RNF144A: variants seen among roughly 807,000 people sequenced by gnomAD.
The protein encoded by RNF144A is E3 ubiquitin-protein ligase RNF144A.
A neutral mutation model predicts 38.7 loss-of-function variants in RNF144A; 11 were observed. The observed-to-expected ratio is 0.28, with a 90% CI of 0.18 to 0.47. The LOEUF (loss-of-function observed/expected upper bound fraction) is 0.47, where lower values mean the gene tolerates loss of function less well. Ranked by LOEUF, RNF144A falls within the 20% of genes least tolerant of loss-of-function variation. The probability of loss-of-function intolerance (pLI) is 0.99; values close to 1 mark genes in which losing one functional copy is unlikely to be tolerated. For missense variants in RNF144A, 316 were observed against 377.2 expected, an observed-to-expected ratio of 0.84 and a Z score of 1.34; for synonymous variants, 149 against 143.9, an observed-to-expected ratio of 1.04 and a Z score of -0.25.
intron 3 of RNF144A, among the ~76,000 whole-genome samples, chr2:7,009,642 A>C (rs748061903): frequency 1.3e-5 from 2 of 152,046 alleles, no homozygotes; most frequent in Non-Finnish European, 2.9e-5. Context: ...CAGAACATGT[A>C]CTGTGCAGCT....
intron 8 of RNF144A, among the ~76,000 whole-genome samples, chr2:7,033,290 C>A (rs975987646): frequency 1.3e-5 from 2 of 152,366 alleles, no homozygotes; most frequent in African/African-American, 4.8e-5. Flanking sequence ...TGGGCAGGAG[C>A]CCCTGCAGGC....
chr2:6,921,922 C>G (rs932828943), intron 1 of RNF144A, among the ~76,000 whole-genome samples: 16 of 152,196 alleles, frequency 1.1e-4, no homozygotes, highest in Non-Finnish European at 2.2e-4. Context: ...GGGCCGAGCT[C>G]CCCAGCTGCC....
At chr2:6,997,223 T>G (rs999063348) in intron 3 of RNF144A, among the ~76,000 whole-genome samples, 162 bp downstream of exon 3, 2 of 152,212 alleles carry the variant, frequency 1.3e-5, no homozygotes, top group African/African-American at 2.4e-5. Flanking sequence ...ATTCTGTTAG[T>G]CAGGCAGGCT....
chr2:6,917,661 G>C lies in RNF144A; in HGVS notation c.-212+39G>C, dbSNP rs182920261. 4,586 of 147,834 alleles carry C rather than the reference G, an allele frequency of 0.031. 104 individuals carry two copies. Among genetic ancestry groups the C allele is most frequent in the Middle Eastern group, 0.062 (18 of 288 alleles). 9.2% of individuals were successfully genotyped at this position (147,834 alleles called of 1,614,324 possible). ...CGTCCCCTTTGTGTCCGCATCGCCCGGGCCGGCCGCGGAGCGGGGAGGGCG... is the reference window on the plus strand; with the variant it reads ...CGTCCCCTTTGTGTCCGCATCGCCCCGGCCGGCCGCGGAGCGGGGAGGGCG... On this transcript the variant is annotated intron_variant, in intron 1 of 8. Transcript: ENST00000320892. The surrounding 1 kb of genome is among the most constrained non-coding windows in gnomAD (Gnocchi z 4.8).
chr2:7,046,690 GA>G (rs1673319229), downstream of RNF144A, among the ~76,000 whole-genome samples: 2 of 152,116 alleles, frequency 1.3e-5, no homozygotes, highest in South Asian at 4.1e-4. Context: ...CCTGAGAAAC[GA>G]ACAGCTCACA....
At chr2:7,025,120 C>CTT (rs1671798200) in intron 7 of RNF144A, among the ~76,000 whole-genome samples, 1 of 152,166 alleles carries the variant, frequency 6.6e-6, no homozygotes, top group Non-Finnish European at 1.5e-5. Flanking sequence ...TCTCATACGG[C>CTT]AGCCTTCTCC....
chr2:6,919,848 C>T (rs1418729513), intron 1 of RNF144A, among the ~76,000 whole-genome samples: 1 of 152,246 alleles, frequency 6.6e-6, no homozygotes, highest in African/African-American at 2.4e-5. Context: ...GAAGGGCAAA[C>T]TCAAATGCAC....
In RNF144A at chr2:7,040,100, G is replaced by A. The variant is rs1672956095; in HGVS notation, c.*340G>A. ...GGCCTAAGAGACTTTCTGCTCCTTG[G>A]CTTCTAGATGGCACCATGTTGTCAG... On this transcript the variant is annotated 3_prime_UTR_variant, in exon 9 of 9. Transcript: ENST00000320892. 3 of 1,033,276 alleles carry A rather than the reference G, an allele frequency of 2.9e-6. No individual in the cohort carries two copies. Among genetic ancestry groups the A allele is most frequent in the Non-Finnish European group, 3.5e-6 (3 of 861,200 alleles). 64.0% of individuals were successfully genotyped at this position (1,033,276 alleles called of 1,614,324 possible). A position where few individuals can be genotyped will look rare whatever the true frequency, so the allele number is the denominator to read the frequency against.
intron 3 of RNF144A, among the ~76,000 whole-genome samples, chr2:7,013,492 T>G (rs1670945692): frequency 6.6e-6 from 1 of 152,336 alleles, no homozygotes; most frequent in South Asian, 2.1e-4. Flanking sequence ...TATTATATAT[T>G]GTTGCTAATA....
At chr2:7,071,948 T>C (rs1041940815), downstream of RNF144A, among the ~76,000 whole-genome samples, 1 of 152,256 alleles carries the variant, frequency 6.6e-6, no homozygotes, top group Non-Finnish European at 1.5e-5. Context: ...CTCCAGTGTC[T>C]GCTCCTACTC....
rs141684587 is a variant in RNF144A, at chr2:7,010,655, A to G, written c.136-3799A>G. 3.9e-3 allele frequency among the ~76,000 whole-genome samples: 589 copies of G among 152,328 alleles called. 1 individual carries two copies. Among genetic ancestry groups the G allele is most frequent in the Middle Eastern group, 6.8e-3 (2 of 294 alleles). ...ATCAGGTTTCAAAGAGTTGGAAACC[A>G]AAGTGGAAAATGAAATTCCTGGAAC... On this transcript the variant is annotated intron_variant, in intron 3 of 8. Transcript: ENST00000320892.
chr2:7,065,684 A>G (rs1319614606), intron 6 of RNF144A, among the ~76,000 whole-genome samples: 7 of 152,236 alleles, frequency 4.6e-5, no homozygotes, highest in Non-Finnish European at 5.9e-5. Context: ...CTCTCTTCAT[A>G]TTTTTAAGCA....
At chr2:6,935,945 C>T (rs185544086) in intron 1 of RNF144A, among the ~76,000 whole-genome samples, 1 of 152,368 alleles carries the variant, frequency 6.6e-6, no homozygotes, top group East Asian at 1.9e-4. Context: ...TTCCCTCCCT[C>T]ATTCCCTGCC....
intron 3 of RNF144A, among the ~76,000 whole-genome samples, chr2:7,000,124 G>A (rs183233694): frequency 3.9e-5 from 6 of 152,328 alleles, no homozygotes; most frequent in African/African-American, 9.6e-5. Flanking sequence ...TGGATTCTTC[G>A]TGATTCTCTG....
chr2:7,063,372 C>G (rs910997790), intron 6 of RNF144A, among the ~76,000 whole-genome samples: 1 of 152,092 alleles, frequency 6.6e-6, no homozygotes, highest in Non-Finnish European at 1.5e-5. Context: ...ATGGTTGATA[C>G]AGGAGGAAGA....
At chr2:7,033,867 G>C (rs1247415712) in intron 8 of RNF144A, among the ~76,000 whole-genome samples, 1 of 152,200 alleles carries the variant, frequency 6.6e-6, no homozygotes, top group African/African-American at 2.4e-5. Context: ...GTAGTGCACG[G>C]GCAAAATCGC....
At chr2:6,985,864 C>T (rs543226300) in intron 2 of RNF144A, among the ~76,000 whole-genome samples, 123 of 152,172 alleles carry the variant, frequency 8.1e-4, no homozygotes, top group African/African-American at 2.8e-3. Flanking sequence ...TTAGTAGAGG[C>T]GGGGTTTCAC....
intron 8 of RNF144A, among the ~76,000 whole-genome samples, chr2:7,031,023 G>A (rs1572443114): frequency 6.6e-6 from 1 of 152,068 alleles, no homozygotes; most frequent in African/African-American, 2.4e-5. Context: ...ACAGGAGGTG[G>A]GGCTCAGGCG....
At chr2:7,007,559 T>G (rs1670527252) in intron 3 of RNF144A, among the ~76,000 whole-genome samples, 1 of 152,202 alleles carries the variant, frequency 6.6e-6, no homozygotes, top group Non-Finnish European at 1.5e-5. Context: ...CCTCAGCTTT[T>G]AACCACCCTC....
Sources: allele counts gnomAD v4.1 joint callset (sites outside exome capture counted in the v4.1 genomes callset), GRCh38; gene constraint gnomAD v4.1.1; non-coding constraint Gnocchi (gnomAD v3.1); transcripts MANE v1.5; gene names NCBI Gene and HGNC (gene_info 2026-07-23, HGNC 2026-07-21).